MEF2C: variants seen among roughly 807,000 people sequenced by gnomAD.
MEF2C encodes myocyte enhancer factor 2C, also known as myocyte-specific enhancer factor 2C.
In MEF2C, 6 loss-of-function variants were observed where a neutral mutation model predicts 50.5. The ratio of observed to expected loss-of-function variants is 0.12; its 90% CI spans 0.07 to 0.23. MEF2C has a LOEUF of 0.23. MEF2C is among the 10% of genes least tolerant of loss of function. The pLI, the probability that MEF2C is intolerant of heterozygous loss-of-function variation, is 1.00. For missense variants in MEF2C, 276 were observed against 605.0 expected (o/e 0.46, Z 5.70); for synonymous variants, 183 against 228.0 (o/e 0.80, Z 1.78).
chr5:88,758,009 G>A (rs567975273), intron 4 of MEF2C, among the ~76,000 whole-genome samples: 1 of 152,266 alleles, frequency 6.6e-6, no homozygotes, highest in East Asian at 1.9e-4. Context: ...AGCTACACCT[G>A]GCTCCATCTG....
chr5:88,892,264 G>A (rs949908131), intron 1 of MEF2C: 6 of 152,062 alleles, frequency 3.9e-5, no homozygotes, highest in Non-Finnish European at 8.8e-5. Flanking sequence ...ACAGCCAATT[G>A]GCTGTATCAC....
At chr5:88,773,144 A>G (rs918309814) in intron 3 of MEF2C, among the ~76,000 whole-genome samples, 3 of 152,128 alleles carry the variant, frequency 2.0e-5, no homozygotes, top group African/African-American at 7.2e-5. Flanking sequence ...TGTCTTTTTC[A>G]CCTCTGTATC....
chr5:88,748,741 A>G, intron 6 of MEF2C: 1 of 979,370 alleles, frequency 1.0e-6, no homozygotes, highest in Non-Finnish European at 1.2e-6. Context: ...GAAATGATTA[A>G]CAGAGAACAC....
chr5:88,793,158 A>G (rs1053412867), intron 3 of MEF2C, among the ~76,000 whole-genome samples: 2 of 152,146 alleles, frequency 1.3e-5, no homozygotes, highest in Non-Finnish European at 2.9e-5. Flanking sequence ...GAAGCACCTA[A>G]CCTAAGTTAT....
intron 1 of MEF2C, among the ~76,000 whole-genome samples, chr5:88,842,345 A>G (rs182359024): frequency 1.6e-3 from 239 of 152,204 alleles, no homozygotes; most frequent in Middle Eastern, 6.8e-3. Context: ...AGCTTTACTG[A>G]AAGAAAAAAA....
chr5:88,885,381 G>A (rs1833964171), upstream of MEF2C, among the ~76,000 whole-genome samples: 2 of 152,202 alleles, frequency 1.3e-5, no homozygotes, highest in Non-Finnish European at 2.9e-5. Context: ...GCTCATCATT[G>A]TGACTATCAG....
At chr5:88,894,617 T>A (rs996362770) in intron 1 of MEF2C, among the ~76,000 whole-genome samples, 10 of 152,194 alleles carry the variant, frequency 6.6e-5, no homozygotes, top group Non-Finnish European at 1.2e-4. Flanking sequence ...GTAAACAGGA[T>A]GAAAACTAAG....
At chr5:88,810,820 A>C (rs1194400292) in intron 2 of MEF2C, among the ~76,000 whole-genome samples, 1 of 152,144 alleles carries the variant, frequency 6.6e-6, no homozygotes, top group East Asian at 1.9e-4. Context: ...TCAGATCTGC[A>C]TGCAACGTAA....
chr5:88,782,366 T>G (rs1309423267), intron 3 of MEF2C, among the ~76,000 whole-genome samples: 1 of 151,586 alleles, frequency 6.6e-6, no homozygotes, highest in Non-Finnish European at 1.5e-5. Flanking sequence ...CTTGGGAGGC[T>G]GAGGCAGGAG....
chr5:88,752,945 T>A (rs986779108), intron 4 of MEF2C, among the ~76,000 whole-genome samples: 1 of 152,362 alleles, frequency 6.6e-6, no homozygotes, highest in Admixed American at 6.5e-5. Flanking sequence ...TCATATGGTA[T>A]CAAAACATAT....
chr5:88,776,656 G>A (rs1035496232), intron 3 of MEF2C, among the ~76,000 whole-genome samples: 21 of 152,260 alleles, frequency 1.4e-4, no homozygotes, highest in Non-Finnish European at 2.8e-4. Context: ...AGGGAGGGAG[G>A]GAGAGAGGGA....
At chr5:88,788,461 C>T (rs903685590) in intron 3 of MEF2C, among the ~76,000 whole-genome samples, 2 of 151,862 alleles carry the variant, frequency 1.3e-5, no homozygotes, top group Admixed American at 6.6e-5. Flanking sequence ...CCGCCTGCCT[C>T]GGCCTCCCAA....
intron 1 of MEF2C, among the ~76,000 whole-genome samples, chr5:88,875,516 A>G (rs1469234545): frequency 5.9e-5 from 9 of 151,874 alleles, no homozygotes; most frequent in African/African-American, 1.9e-4. Flanking sequence ...AAAAGTACAG[A>G]TATCTGATTG....
chr5:88,896,930 G>A (rs1374676096), intron 1 of MEF2C, among the ~76,000 whole-genome samples: 2 of 139,416 alleles, frequency 1.4e-5, no homozygotes, highest in Non-Finnish European at 3.1e-5. Flanking sequence ...TATCAGTTGT[G>A]AACTCAGTAA....
chr5:88,881,552 G>A (rs996918910), intron 1 of MEF2C, among the ~76,000 whole-genome samples: 2 of 152,102 alleles, frequency 1.3e-5, no homozygotes, highest in Non-Finnish European at 2.9e-5. Flanking sequence ...AGAGATTGTT[G>A]ATCTATTTAA....
intron 1 of MEF2C, among the ~76,000 whole-genome samples, chr5:88,830,165 T>C (rs149521389): frequency 2.0e-5 from 3 of 152,150 alleles, no homozygotes; most frequent in Non-Finnish European, 1.5e-5. Flanking sequence ...TTCTCTTACA[T>C]ATCAGCTACG....
chr5:88,859,051 G>A (rs1051909238), intron 1 of MEF2C, among the ~76,000 whole-genome samples: 15 of 152,136 alleles, frequency 9.9e-5, no homozygotes, highest in South Asian at 2.1e-4. Flanking sequence ...AGCATTACTG[G>A]TTATGGCAAA....
rs1761218271 is a variant in MEF2C at position 88,730,944 on chromosome 5, A to G, written c.811-710T>C. 1.3e-5 allele frequency among the ~76,000 whole-genome samples: 2 copies of G among 152,226 alleles called. 1 individual carries two copies. Among genetic ancestry groups the G allele is most frequent in the South Asian group, 4.1e-4 (2 of 4,836 alleles). ...TTGCTCTTAAGCAAAGCTAATTTGT[A>G]GAACACTGATGTAAGTCTCTTTGTT... On this transcript the variant is annotated intron_variant, in intron 7 of 10. Transcript: ENST00000504921.
At chr5:88,771,271 G>A (rs1471759232) in intron 3 of MEF2C, among the ~76,000 whole-genome samples, 1 of 152,222 alleles carries the variant, frequency 6.6e-6, no homozygotes, top group Non-Finnish European at 1.5e-5. Flanking sequence ...GAAATTTCAT[G>A]TCATTTGGCA....
Sources: allele counts gnomAD v4.1 joint callset (sites outside exome capture counted in the v4.1 genomes callset), GRCh38; gene constraint gnomAD v4.1.1; transcripts MANE v1.5; gene names NCBI Gene and HGNC (gene_info 2026-07-23, HGNC 2026-07-21).